The following PPFIBP2 variants were observed in gnomAD, a reference collection of about 807,000 sequenced individuals.
PPFIBP2 encodes the protein PPFIB scaffold protein 2, also known as liprin-beta-2.
A neutral mutation model predicts 118.3 loss-of-function variants in PPFIBP2; 118 were observed. The observed-to-expected ratio is 1.00, with a 90% CI of 0.86 to 1.16. PPFIBP2 has a LOEUF of 1.16. PPFIBP2 is among the 50% of genes most tolerant of loss of function. The probability of loss-of-function intolerance (pLI) is 0.00; values close to 1 mark genes in which losing one functional copy is unlikely to be tolerated. For missense variants in PPFIBP2, 1,195 were observed against 1,073.1 expected, an observed-to-expected ratio of 1.11 and a Z score of -1.59; for synonymous variants, 414 against 397.4, an observed-to-expected ratio of 1.04 and a Z score of -0.50.
chr11:7,606,453 G>C (rs1443992071), intron 5 of PPFIBP2, among the ~76,000 whole-genome samples: 1 of 152,058 alleles, frequency 6.6e-6, no homozygotes, highest in Non-Finnish European at 1.5e-5. Flanking sequence ...TTGAGTTTAG[G>C]GACCAAAACA....
At chr11:7,606,160 T>A in intron 5 of PPFIBP2, 1 of 983,790 alleles carries the variant, frequency 1.0e-6, no homozygotes, top group Non-Finnish European at 1.4e-6. Flanking sequence ...AATACTGGCT[T>A]GGAAGCAGCC....
At chr11:7,537,660 G>A (rs1382197343) in intron 1 of PPFIBP2, among the ~76,000 whole-genome samples, 2 of 152,056 alleles carry the variant, frequency 1.3e-5, no homozygotes, top group African/African-American at 4.8e-5. Context: ...AAGTGGCTAC[G>A]GTGGGCCCTA....
chr11:7,649,557 C>T lies in PPFIBP2; in HGVS notation c.2024C>T (p.Thr675Ile). Reference sequence around the variant, plus strand: ...AACGATTTACTCTTCTTAAAAGTCACCAGCCAACTACATCATCTCAGCATC... The same window carrying T: ...AACGATTTACTCTTCTTAAAAGTCATCAGCCAACTACATCATCTCAGCATC... ...TVNDLLFLKV[T>I]SQLHHLSIKC... Residue 675 changes from threonine to isoleucine, a missense_variant, in exon 21 of 24, where the codon ACC becomes ATC. Coordinates refer to ENST00000299492, the MANE Select transcript of PPFIBP2 (RefSeq NM_003621.5). 6.2e-7 allele frequency: 1 copy of T among 1,614,194 alleles called. No homozygotes were observed. Among genetic ancestry groups the T allele is most frequent in the Non-Finnish European group, 8.5e-7 (1 of 1,180,034 alleles).
chr11:7,570,860 T>C (rs1426454943), intron 3 of PPFIBP2, among the ~76,000 whole-genome samples: 1 of 152,196 alleles, frequency 6.6e-6, no homozygotes, highest in East Asian at 1.9e-4. Context: ...ACAGCTGAGT[T>C]TGAAAGTGTC....
In PPFIBP2 at chr11:7,610,407, G is replaced by A. The variant is rs1202195505; in HGVS notation, c.603G>A (p.Lys201=). The A allele has an allele frequency of 3.1e-6, 5 of 1,613,632 alleles. No homozygotes were observed. Among genetic ancestry groups the A allele is most frequent in the Non-Finnish European group, 3.4e-6 (4 of 1,179,954 alleles). Residue 201 remains lysine, a synonymous_variant, in exon 6 of 24, where the codon AAG becomes AAA. Transcript: ENST00000299492. ...MEKEQREQEE[K]QRKAEELLQE... ...AGGAGCAGAGAGAGCAGGAGGAGAAGCAGAGAAAAGCAGAGGTAAGGGTGA... is the reference window on the plus strand; with the variant it reads ...AGGAGCAGAGAGAGCAGGAGGAGAAACAGAGAAAAGCAGAGGTAAGGGTGA...
At chr11:7,542,055 GA>G (rs1851847187) in intron 1 of PPFIBP2, among the ~76,000 whole-genome samples, 1 of 152,204 alleles carries the variant, frequency 6.6e-6, no homozygotes, top group South Asian at 2.1e-4. Context: ...TATTTTCCAA[GA>G]AGCAGCCAGA....
intron 5 of PPFIBP2, chr11:7,605,774 G>A (rs562568832): frequency 1.5e-6 from 2 of 1,378,064 alleles, no homozygotes; most frequent in East Asian, 5.5e-5. Context: ...TGGGACAGAT[G>A]AAAGGTCAGA....
chr11:7,517,222 C>A (rs936321678), intron 1 of PPFIBP2, among the ~76,000 whole-genome samples: 2 of 152,070 alleles, frequency 1.3e-5, no homozygotes, highest in Non-Finnish European at 2.9e-5. Flanking sequence ...AACTGTTGTC[C>A]GGCTGCTAGA....
At chr11:7,656,955 C>T (rs572398544), downstream of PPFIBP2, 2 of 459,630 alleles carry the variant, frequency 4.4e-6, no homozygotes, top group South Asian at 3.6e-5. Flanking sequence ...AGCTGTGGGA[C>T]AGGTGTCCAG....
chr11:7,571,215 C>T (rs1041873602), intron 3 of PPFIBP2, among the ~76,000 whole-genome samples: 3 of 152,120 alleles, frequency 2.0e-5, no homozygotes, highest in African/African-American at 7.2e-5. Context: ...AACTAGTTTC[C>T]CAAGAAACAA....
downstream of PPFIBP2, among the ~76,000 whole-genome samples, chr11:7,659,755 C>A (rs1166997164): frequency 1.6e-4 from 14 of 89,536 alleles, 3 homozygotes; most frequent in South Asian, 5.8e-3. Flanking sequence ...GCCATTTTGA[C>A]GATATTGATT....
At chr11:7,608,664 CAAAAA>C (rs1847700593) in intron 5 of PPFIBP2, among the ~76,000 whole-genome samples, 1 of 150,140 alleles carries the variant, frequency 6.7e-6, no homozygotes, top group Non-Finnish European at 1.5e-5. Flanking sequence ...AACAAACAAA[CAAAAA>C]TAACTCTGCT....
intron 17 of PPFIBP2, 139 bp from the exon 18 acceptor site, chr11:7,648,248 C>A (rs1231466864): frequency 3.2e-6 from 3 of 928,282 alleles, no homozygotes; most frequent in Admixed American, 2.9e-5. Context: ...CAGCAGAATC[C>A]CATGATGGAG....
rs571960360 is a variant in PPFIBP2, at chr11:7,652,542, G to T, written c.2437-482G>T. On this transcript the variant is annotated intron_variant, in intron 23 of 23. Coordinates refer to ENST00000299492, the MANE Select transcript of PPFIBP2 (RefSeq NM_003621.5). The stretch of plus-strand genomic sequence containing the variant: ...CTTCCCCAGGGGAGCAAGACAGGAA[G>T]TATGTCTGGGGGAGTCAGGCAGAAA... Among the ~76,000 whole-genome samples, 5 of 152,346 alleles carry T rather than the reference G, an allele frequency of 3.3e-5. No homozygotes were observed. The East Asian group carries it at 7.7e-4, about 24-fold the overall frequency.
chr11:7,568,848 G>A (rs956799217), intron 3 of PPFIBP2: 36 of 152,232 alleles, frequency 2.4e-4, no homozygotes, highest in Middle Eastern at 3.2e-3. Flanking sequence ...ATGAAGAAGC[G>A]TTAAGTGTAA....
chr11:7,622,669 C>T (rs1454495992), intron 7 of PPFIBP2, among the ~76,000 whole-genome samples: 3 of 152,084 alleles, frequency 2.0e-5, no homozygotes, highest in African/African-American at 7.2e-5. Context: ...TGGTACCAAG[C>T]CTGGGCAGTC....
chr11:7,582,151 T>C (rs2135043168), intron 3 of PPFIBP2, among the ~76,000 whole-genome samples: 1 of 152,342 alleles, frequency 6.6e-6, no homozygotes, highest in South Asian at 2.1e-4. Flanking sequence ...TCAATGTATG[T>C]TAAGTGCTTA....
At chr11:7,663,764 G>C in the PPFIBP2 span, among the ~76,000 whole-genome samples, 1 of 152,190 alleles carries the variant, frequency 6.6e-6, no homozygotes, top group Non-Finnish European at 1.5e-5. Context: ...CTGCCTTGCA[G>C]TTTGATCTCA....
intron 1 of PPFIBP2, among the ~76,000 whole-genome samples, chr11:7,523,816 A>G (rs779276868): frequency 1.6e-4 from 25 of 152,146 alleles, no homozygotes; most frequent in Non-Finnish European, 3.4e-4. Flanking sequence ...GAAGGAGGTG[A>G]TCCAGATCTC....
Sources: allele counts gnomAD v4.1 joint callset (sites outside exome capture counted in the v4.1 genomes callset), GRCh38; gene constraint gnomAD v4.1.1; transcripts MANE v1.5; gene names NCBI Gene and HGNC (gene_info 2026-07-23, HGNC 2026-07-21).